CDH13: variants seen among roughly 807,000 people sequenced by gnomAD.
The protein encoded by CDH13 is cadherin-13.
In CDH13, 24 loss-of-function variants were observed where a neutral mutation model predicts 63.8. The ratio of observed to expected loss-of-function variants is 0.38; its 90% CI spans 0.27 to 0.53. The LOEUF is 0.53. CDH13 is among the 20% of genes least tolerant of loss of function. The pLI is 0.85. For missense variants in CDH13, 1,049 were observed against 903.1 expected, an observed-to-expected ratio of 1.16 and a Z score of -2.07; for synonymous variants, 503 against 355.3, an observed-to-expected ratio of 1.42 and a Z score of -4.67.
At chr16:82,724,718 C>T (rs779674660) in intron 1 of CDH13, among the ~76,000 whole-genome samples, 19 of 152,118 alleles carry the variant, frequency 1.2e-4, no homozygotes, top group Non-Finnish European at 2.2e-4. Flanking sequence ...TGCAAAGTAG[C>T]TGAGAGAATC....
chr16:83,775,308 G>A (rs1020489349), intron 11 of CDH13, among the ~76,000 whole-genome samples: 19 of 151,702 alleles, frequency 1.3e-4, no homozygotes, highest in East Asian at 1.9e-4. Context: ...ATGCAGGTGC[G>A]TTTCTCTGGA....
chr16:83,549,438 G>T (rs376513200), intron 7 of CDH13, among the ~76,000 whole-genome samples: 84 of 152,292 alleles, frequency 5.5e-4, no homozygotes, highest in African/African-American at 1.9e-3. Context: ...GTATCAAGGG[G>T]AACGTGGTAG....
At chr16:83,301,236 T>G (rs1050139593) in intron 5 of CDH13, among the ~76,000 whole-genome samples, 1 of 151,966 alleles carries the variant, frequency 6.6e-6, no homozygotes, top group African/African-American at 2.4e-5. Flanking sequence ...TTTCACTGTG[T>G]TAGCCAAGAT....
rs113912876 is a variant in CDH13 at position 83,447,912 on chromosome 16, G to C, written c.782-38565G>C. On this transcript the variant is annotated intron_variant, in intron 6 of 13. Transcript: ENST00000567109. ...CTTGATGTGATTCACTCTGTGGTCT[G>C]CAGAAGTTGCCCCACCTCTCTGGTC... Among the ~76,000 whole-genome samples, 948 of 152,072 alleles carry C rather than the reference G, an allele frequency of 6.2e-3. 7 individuals carry two copies. Among genetic ancestry groups the C allele is most frequent in the African/African-American group, 0.022 (899 of 41,486 alleles).
intron 6 of CDH13, among the ~76,000 whole-genome samples, chr16:83,460,843 A>T (rs1004111110): frequency 4.3e-3 from 1 of 232 alleles, no homozygotes; most frequent in African/African-American, 5.6e-3. Flanking sequence ...ACAAATAATT[A>T]AAAAAAAAAA....
chr16:83,180,794 T>C (rs1351859539), intron 4 of CDH13: 1 of 977,000 alleles, frequency 1.0e-6, no homozygotes, highest in Non-Finnish European at 1.5e-6. Context: ...GCTTAATCCA[T>C]GATGCTGTAG....
At chr16:82,764,765 T>A (rs1283419021) in intron 1 of CDH13, among the ~76,000 whole-genome samples, 1 of 152,116 alleles carries the variant, frequency 6.6e-6, no homozygotes, top group African/African-American at 2.4e-5. Context: ...TATCTTGTGA[T>A]GTGGAACCAC....
chr16:83,103,734 A>T (rs8060436), intron 3 of CDH13, among the ~76,000 whole-genome samples: 2 of 152,070 alleles, frequency 1.3e-5, no homozygotes, highest in Non-Finnish European at 2.9e-5. Context: ...AGTATGGGAT[A>T]CATCACAGAA....
chr16:83,036,859 C>A (rs1014068695), intron 3 of CDH13, among the ~76,000 whole-genome samples: 1 of 152,162 alleles, frequency 6.6e-6, no homozygotes, highest in African/African-American at 2.4e-5. Context: ...CACCCATACA[C>A]CCCACACAAG....
chr16:83,397,411 A>C (rs1301435026), intron 6 of CDH13: 1 of 152,184 alleles, frequency 6.6e-6, no homozygotes, highest in African/African-American at 2.4e-5. Flanking sequence ...AAAATACTAG[A>C]AAGTGTGCAT....
chr16:83,590,156 T>C (rs1906591664), intron 7 of CDH13, among the ~76,000 whole-genome samples: 1 of 152,044 alleles, frequency 6.6e-6, no homozygotes. Flanking sequence ...CACTGAAGGG[T>C]TTTAAGGAGA....
intron 4 of CDH13, among the ~76,000 whole-genome samples, chr16:83,191,520 CACACACACACATAT>C (rs1252553148): frequency 2.3e-5 from 2 of 88,458 alleles, no homozygotes; most frequent in East Asian, 2.8e-4. Flanking sequence ...CACACACACA[CACACACACACATAT>C]ATATATATAT....
intron 4 of CDH13, among the ~76,000 whole-genome samples, chr16:83,140,801 G>A (rs551208750): frequency 6.6e-6 from 1 of 152,296 alleles, no homozygotes; most frequent in Non-Finnish European, 1.5e-5. Flanking sequence ...AATGACTGAA[G>A]AGCACCTCAC....
chr16:83,500,763 G>A (rs6563917), intron 7 of CDH13, among the ~76,000 whole-genome samples: 147,034 of 150,674 alleles, frequency 0.98, 71,843 homozygotes, highest in East Asian at 1. Context: ...TTATTTTTGT[G>A]GAGACGGGGT....
chr16:82,765,507 C>T (rs1393034308), intron 1 of CDH13, among the ~76,000 whole-genome samples: 1 of 152,180 alleles, frequency 6.6e-6, no homozygotes, highest in East Asian at 1.9e-4. Flanking sequence ...CCACCAACCA[C>T]CCCGTGAGCC....
chr16:82,758,435 C>A (rs2325686), intron 1 of CDH13, among the ~76,000 whole-genome samples: 17,715 of 150,218 alleles, frequency 0.12, 1,561 homozygotes, highest in Non-Finnish European at 0.16. Flanking sequence ...TACCCCCCCC[C>A]CTTTGCTTTG....
At chr16:82,659,864 G>A (rs1482247263) in intron 1 of CDH13, among the ~76,000 whole-genome samples, 3 of 152,280 alleles carry the variant, frequency 2.0e-5, no homozygotes, top group Non-Finnish European at 2.9e-5. Context: ...CTACCCACTA[G>A]AGGCCATTGG....
intron 11 of CDH13, 26 bp downstream of exon 11, chr16:83,748,276 G>C: frequency 6.4e-7 from 1 of 1,569,684 alleles, no homozygotes; most frequent in Non-Finnish European, 8.7e-7. Flanking sequence ...AGACCATCAA[G>C]GGTATACTTT....
chr16:83,445,759 A>C (rs545152144), intron 6 of CDH13, among the ~76,000 whole-genome samples: 1 of 152,328 alleles, frequency 6.6e-6, no homozygotes, highest in African/African-American at 2.4e-5. Flanking sequence ...TCTGATAAGC[A>C]TCTAAAACTT....
Sources: gnomAD v4.1 joint callset for allele counts (sites outside exome capture counted in the v4.1 genomes callset) on GRCh38, gnomAD v4.1.1 for gene constraint, MANE v1.5 for transcripts, NCBI Gene and HGNC (gene_info 2026-07-23, HGNC 2026-07-21) for gene names.